MBNL1: variants seen among roughly 807,000 people sequenced by gnomAD.
The protein encoded by MBNL1 is muscleblind like splicing regulator 1, also known as muscleblind-like protein 1.
A neutral mutation model predicts 42.2 loss-of-function variants in MBNL1; 8 were observed. That is an observed-to-expected ratio of 0.19 (90% CI 0.11 to 0.34). MBNL1 has a LOEUF of 0.34. MBNL1 is among the 10% of genes least tolerant of loss of function. The pLI, the probability that MBNL1 is intolerant of heterozygous loss-of-function variation, is 1.00. For synonymous variants in MBNL1, 169 were observed against 173.9 expected (o/e 0.97, Z 0.22); for missense variants, 309 against 495.3 (o/e 0.62, Z 3.57).
At chr3:152,446,876 T>C in intron 5 of MBNL1, 2 of 785,930 alleles carry the variant, frequency 2.5e-6, no homozygotes, top group South Asian at 4.5e-5. Context: ...TAAAGTACAA[T>C]GAAAAAACTG....
chr3:152,359,732 T>A (rs1346534183), intron 2 of MBNL1, among the ~76,000 whole-genome samples: 1 of 152,166 alleles, frequency 6.6e-6, no homozygotes, highest in Admixed American at 6.6e-5. Context: ...TTAATGTGAT[T>A]GCTACATGTG....
intron 8 of MBNL1, 33 bp downstream of exon 8, chr3:152,456,394 A>T: frequency 1.9e-6 from 3 of 1,569,882 alleles, no homozygotes; most frequent in Non-Finnish European, 2.6e-6. Flanking sequence ...TTCTTAAAAA[A>T]CAACTCTAAT....
chr3:152,413,848 G>A (rs546973576), intron 2 of MBNL1, among the ~76,000 whole-genome samples: 2 of 152,130 alleles, frequency 1.3e-5, no homozygotes, highest in Middle Eastern at 6.8e-3. Flanking sequence ...AAATAATATG[G>A]GTAGAGTGCC....
chr3:152,332,766 T>G (rs2152682162), intron 2 of MBNL1, among the ~76,000 whole-genome samples: 1 of 148,776 alleles, frequency 6.7e-6, no homozygotes, highest in African/African-American at 2.5e-5. Context: ...ACACACTAGT[T>G]TATATTAGGT....
intron 2 of MBNL1, among the ~76,000 whole-genome samples, chr3:152,308,911 G>A (rs2064784447): frequency 6.6e-6 from 1 of 151,934 alleles, no homozygotes; most frequent in Admixed American, 6.6e-5. Flanking sequence ...GAGGTGATAA[G>A]GATTCAACAA....
intron 2 of MBNL1, chr3:152,300,933 G>T: frequency 1.0e-6 from 1 of 984,320 alleles, no homozygotes; most frequent in Non-Finnish European, 1.2e-6. Flanking sequence ...GTGCTGAACT[G>T]CTGCTACAGC....
At position 152,300,061 on chromosome 3, in the gene MBNL1, G is replaced by A; in HGVS notation, c.-133G>A. On this transcript the variant is annotated 5_prime_UTR_variant, in exon 2 of 10. Coordinates refer to ENST00000324210, the MANE Select transcript of MBNL1 (RefSeq NM_021038.5). ...AATTTTCCATGTACTTTTAAAGCAG[G>A]GAGTGGGGAAAAGTATTTTGAGGGG... The A allele has an allele frequency of 3.7e-6, 2 of 545,126 alleles. No homozygotes were observed. The highest frequency in any genetic ancestry group is 6.5e-6 in the Non-Finnish European group (2 of 307,630). 33.8% of individuals were successfully genotyped at this position (545,126 alleles called of 1,614,324 possible).
At chr3:152,315,491 A>G (rs1379190710) in intron 2 of MBNL1, among the ~76,000 whole-genome samples, 2 of 152,194 alleles carry the variant, frequency 1.3e-5, no homozygotes, top group Non-Finnish European at 2.9e-5. Flanking sequence ...ATTATTAAGA[A>G]TCTGATGAGT....
At chr3:152,436,697 G>A (rs191388060) in intron 4 of MBNL1, among the ~76,000 whole-genome samples, 1 of 152,150 alleles carries the variant, frequency 6.6e-6, no homozygotes, top group Non-Finnish European at 1.5e-5. Context: ...CACAGTTTCA[G>A]GTAGTTTGTT....
At chr3:152,337,240 A>G (rs531872806) in intron 2 of MBNL1, among the ~76,000 whole-genome samples, 3 of 152,268 alleles carry the variant, frequency 2.0e-5, no homozygotes, top group South Asian at 4.1e-4. Context: ...TTAACAAGCT[A>G]TTATCATCTC....
intron 2 of MBNL1, among the ~76,000 whole-genome samples, chr3:152,387,496 T>C (rs1188260796): frequency 6.6e-6 from 1 of 152,186 alleles, no homozygotes; most frequent in Non-Finnish European, 1.5e-5. Context: ...TCAAAAGTCA[T>C]GACTTCATGT....
chr3:152,310,049 T>A (rs535465682), intron 2 of MBNL1, among the ~76,000 whole-genome samples: 2 of 152,288 alleles, frequency 1.3e-5, no homozygotes, highest in South Asian at 4.1e-4. Context: ...ATCTGAGAAG[T>A]TTGTTATGAA....
intron 4 of MBNL1, among the ~76,000 whole-genome samples, chr3:152,441,601 T>C (rs933636721): frequency 1.3e-5 from 2 of 152,232 alleles, no homozygotes; most frequent in African/African-American, 4.8e-5. Context: ...TGTTTTCTTT[T>C]GATTATTTAA....
At chr3:152,369,438 G>A (rs970040595) in intron 2 of MBNL1, among the ~76,000 whole-genome samples, 1 of 152,106 alleles carries the variant, frequency 6.6e-6, no homozygotes, top group Admixed American at 6.6e-5. Context: ...TATTCACATT[G>A]AAGTTCATCA....
intron 2 of MBNL1, chr3:152,338,563 T>G (rs1578220559): frequency 1.0e-6 from 1 of 985,258 alleles, no homozygotes; most frequent in Non-Finnish European, 1.2e-6. Context: ...TAGCAGCAGG[T>G]GTTGGGATTT....
intron 2 of MBNL1, among the ~76,000 whole-genome samples, chr3:152,333,001 C>G (rs937628837): frequency 6.6e-6 from 1 of 152,074 alleles, no homozygotes; most frequent in African/African-American, 2.4e-5. Flanking sequence ...TAATCAAGGC[C>G]GTACCTTCCT....
intron 1 of MBNL1, among the ~76,000 whole-genome samples, chr3:152,287,983 T>C (rs2053566539): frequency 6.6e-6 from 1 of 152,196 alleles, no homozygotes; most frequent in South Asian, 2.1e-4. Context: ...TTCTGTTCAA[T>C]ATGCATTCTC....
intron 1 of MBNL1, among the ~76,000 whole-genome samples, chr3:152,278,862 A>T (rs775108400): frequency 5.3e-5 from 8 of 152,136 alleles, no homozygotes; most frequent in Non-Finnish European, 1.0e-4. Flanking sequence ...AAGTATAATT[A>T]CATAGTGTCT....
At chr3:152,385,177 T>C (rs993402379) in intron 2 of MBNL1, among the ~76,000 whole-genome samples, 1 of 152,056 alleles carries the variant, frequency 6.6e-6, no homozygotes, top group African/African-American at 2.4e-5. Flanking sequence ...TTAAATGAAG[T>C]TTGAGATTTT....
Sources: allele counts gnomAD v4.1 joint callset (sites outside exome capture counted in the v4.1 genomes callset), GRCh38; gene constraint gnomAD v4.1.1; transcripts MANE v1.5; gene names NCBI Gene and HGNC (gene_info 2026-07-23, HGNC 2026-07-21).